The following AMOT variants were observed in gnomAD, a reference collection of about 807,000 sequenced individuals.
The protein encoded by AMOT is angiomotin.
Under a neutral mutation model 67.0 loss-of-function variants are expected in AMOT, and 11 were observed. That is an observed-to-expected ratio of 0.16 (90% confidence interval 0.10 to 0.27). AMOT has a LOEUF of 0.27. AMOT is among the 10% of genes least tolerant of loss of function. The pLI is 1.00. For synonymous variants in AMOT, 326 were observed against 321.4 expected, an observed-to-expected ratio of 1.01 and a Z score of -0.15; for missense variants, 753 against 852.0, an observed-to-expected ratio of 0.88 and a Z score of 1.45.
Position 112,781,051 on chromosome X carries a change from G to A in AMOT, c.2308C>T (p.Arg770Trp), listed in dbSNP as rs1156365497. 5.0e-6 allele frequency: 6 copies of A among 1,211,821 alleles called. No individual in the cohort carries two copies. The highest frequency in any genetic ancestry group is 5.6e-6 in the Non-Finnish European group (5 of 895,542). The stretch of plus-strand genomic sequence containing the variant: ...TGCTCTGTCTTGCTCGGCTCCTTCC[G>A]GGAACGCTGCTGGAGTACTTTGATC... Reference protein sequence around the residue: ...AMIKVLQQRSRKEPSKTEQLS... With the variant: ...AMIKVLQQRSWKEPSKTEQLS... The change falls in exon 12 of 14, where the codon CGG (arginine) becomes TGG (tryptophan). Residue 770 changes from arginine (R) to tryptophan (W), a missense_variant. Arg to Trp is a moderately radical substitution (Grantham distance 101). This residue lies in a region of AMOT where 269 missense variants were observed against 300.9 expected (regional missense o/e 0.89). Transcript: ENST00000371959.
At chrX:112,824,654 A>G (rs1934797475) in intron 3 of AMOT, among the ~76,000 whole-genome samples, 1 of 111,023 alleles carries the variant, frequency 9.0e-6, no homozygotes, top group Non-Finnish European at 1.9e-5. Context: ...CCCTCTCATC[A>G]TATTCTCTTG....
chrX:112,805,251 C>G (rs644416), intron 7 of AMOT, among the ~76,000 whole-genome samples, 159 bp from the exon 8 acceptor site: 1 of 110,027 alleles, frequency 9.1e-6, no homozygotes, highest in African/African-American at 3.3e-5. Flanking sequence ...CACTGGCTCT[C>G]TCACTAACTT....
chrX:112,796,931 G>A (rs773333349), intron 8 of AMOT, among the ~76,000 whole-genome samples: 2 of 111,807 alleles, frequency 1.8e-5, no homozygotes, highest in Admixed American at 9.4e-5. Flanking sequence ...TCCTACCACC[G>A]CCACTAAAGA....
intron 10 of AMOT, among the ~76,000 whole-genome samples, chrX:112,787,506 G>T (rs190378172): frequency 8.9e-6 from 1 of 111,779 alleles, no homozygotes; most frequent in Non-Finnish European, 1.9e-5. Context: ...ATTGCCTGGG[G>T]TCAGGCATGG....
rs901040154 is a variant in AMOT at position 112,776,122 on chromosome X, A to C, written c.*2445T>G. 2.1e-4 allele frequency: 24 copies of C among 112,118 alleles called. No individual in the cohort carries two copies. The highest frequency in any genetic ancestry group is 6.5e-4 in the African/African-American group (20 of 30,792). The allele number at this position is 112,118 out of a possible 1,213,427, so 9.2% of individuals were successfully genotyped here. On this transcript the variant is annotated 3_prime_UTR_variant, in exon 14 of 14. Coordinates refer to ENST00000371959, the MANE Select transcript of AMOT (RefSeq NM_001113490.2). ...TGTCTCTGGTGTGAGAGGGTTCTGGAAAGTTCAAAATAGTACTCAGCCAAG... is the reference window on the plus strand; with the variant it reads ...TGTCTCTGGTGTGAGAGGGTTCTGGCAAGTTCAAAATAGTACTCAGCCAAG...
chrX:112,798,771 T>C lies in AMOT; in HGVS notation c.1776+6176A>G, dbSNP rs754650681. ...AGTTTTTAAAGGAAAATCATAAAAT[T>C]GAGAGGAAGAACAGTGGGAAGGCAA... On this transcript the variant is annotated intron_variant, in intron 8 of 13. Transcript: ENST00000371959. 4.0e-4 allele frequency among the ~76,000 whole-genome samples: 45 copies of C among 112,177 alleles called. 1 individual carries two copies. The highest frequency in any genetic ancestry group is 3.6e-4 in the Non-Finnish European group (19 of 53,236).
intron 7 of AMOT, among the ~76,000 whole-genome samples, chrX:112,809,263 G>T (rs1934280721): frequency 8.9e-6 from 1 of 111,930 alleles, no homozygotes; most frequent in South Asian, 3.8e-4. Flanking sequence ...ACATTGTCTA[G>T]CTGGGTGGGG....
At chrX:112,780,038 T>C (rs1201158616) in intron 12 of AMOT, among the ~76,000 whole-genome samples, 1 of 110,485 alleles carries the variant, frequency 9.1e-6, no homozygotes, top group Non-Finnish European at 1.9e-5. Context: ...CCAATGGTGA[T>C]TGGGTTCCAC....
At chrX:112,784,671 A>C (rs138922047) in intron 10 of AMOT, among the ~76,000 whole-genome samples, 11 of 112,397 alleles carry the variant, frequency 9.8e-5, no homozygotes, top group African/African-American at 3.2e-4. Flanking sequence ...GGAAAGATGG[A>C]AGGAGACTAA....
chrX:112,805,206 C>T, intron 7 of AMOT, 114 bp from the exon 8 acceptor site: 1 of 890,362 alleles, frequency 1.1e-6, no homozygotes, highest in Non-Finnish European at 1.6e-6. Context: ...TAGTGCACAG[C>T]TGAAGAACCA....
intron 4 of AMOT, among the ~76,000 whole-genome samples, chrX:112,817,745 T>C (rs1481485778): frequency 8.9e-6 from 1 of 112,111 alleles, no homozygotes; most frequent in Non-Finnish European, 1.9e-5. Context: ...GCGAACTATT[T>C]GGGCAAAGAA....
At chrX:112,786,155 A>G (rs1236117672) in intron 10 of AMOT, among the ~76,000 whole-genome samples, 1 of 112,210 alleles carries the variant, frequency 8.9e-6, no homozygotes, top group Non-Finnish European at 1.9e-5. Context: ...AGGTAGGATG[A>G]GAAGAAAGCA....
At chrX:112,779,802 T>C in intron 12 of AMOT, 122 bp from the exon 13 acceptor site, 1 of 268,215 alleles carries the variant, frequency 3.7e-6, no homozygotes, top group Non-Finnish European at 6.2e-6. Flanking sequence ...AAGTAAATAT[T>C]ATTTAAATAT....
At chrX:112,788,288 C>CA (rs34196603) in intron 10 of AMOT, among the ~76,000 whole-genome samples, 5,629 of 72,673 alleles carry the variant, frequency 0.077, 220 homozygotes, top group African/African-American at 0.15. Context: ...GACTCCTTCT[C>CA]AAAAAAAAAA....
intron 1 of AMOT, among the ~76,000 whole-genome samples, chrX:112,837,825 TG>T (rs2147839195): frequency 8.9e-6 from 1 of 111,883 alleles, no homozygotes; most frequent in African/African-American, 3.2e-5. Flanking sequence ...CTAAACAAAT[TG>T]GTTTAGTCCC....
intron 5 of AMOT, among the ~76,000 whole-genome samples, chrX:112,812,334 G>A (rs1934396493): frequency 8.9e-6 from 1 of 111,965 alleles, no homozygotes; most frequent in Non-Finnish European, 1.9e-5. Context: ...GCGAGATATG[G>A]CTGCTAAGAT....
rs1933155558 is a variant in AMOT, at chrX:112,781,220, T to C, written c.2241-102A>G. ...ATTTTGGGAGGCCGAGGTGGGCGGATTGCAAAGTCAGGAGTTCGAGACCAG... is the reference window on the plus strand; with the variant it reads ...ATTTTGGGAGGCCGAGGTGGGCGGACTGCAAAGTCAGGAGTTCGAGACCAG... On this transcript the variant is annotated intron_variant, in intron 11 of 13. Coordinates refer to ENST00000371959, the MANE Select transcript of AMOT (RefSeq NM_001113490.2). 6.4e-6 allele frequency: 5 copies of C among 776,747 alleles called. No individual in the cohort carries two copies. The South Asian group carries it at 9.8e-5, about 15-fold the overall frequency. The allele number at this position is 776,747 out of a possible 1,213,427, so 64.0% of individuals were successfully genotyped here.
chrX:112,817,300 TAC>T (rs1934594298), intron 4 of AMOT, among the ~76,000 whole-genome samples: 1 of 112,380 alleles, frequency 8.9e-6, no homozygotes, highest in African/African-American at 3.2e-5. Flanking sequence ...GAATAGGAAT[TAC>T]AGTCACTTCT....
intron 3 of AMOT, among the ~76,000 whole-genome samples, chrX:112,823,937 T>C (rs1934776801): frequency 8.9e-6 from 1 of 111,822 alleles, no homozygotes; most frequent in African/African-American, 3.3e-5. Context: ...GCCTCTTTTA[T>C]TTGAAGTGTG....
Sources: gnomAD v4.1 joint callset for allele counts (sites outside exome capture counted in the v4.1 genomes callset) on GRCh38, gnomAD v4.1.1 for gene constraint, gnomAD v4.1.1 regional missense constraint, MANE v1.5 for transcripts, NCBI Gene and HGNC (gene_info 2026-07-23, HGNC 2026-07-21) for gene names.